The following YTHDC2 variants were observed in gnomAD, a reference collection of about 807,000 sequenced individuals.
The protein encoded by YTHDC2 is 3'-5' RNA helicase YTHDC2.
YTHDC2 carries 45 observed loss-of-function variants against 174.9 expected under a neutral mutation model. That is an observed-to-expected ratio of 0.26 (90% CI 0.20 to 0.33). YTHDC2 has a LOEUF of 0.33. Among genes scored for constraint, YTHDC2 ranks in the 10% least tolerant of loss-of-function variants. The probability of loss-of-function intolerance (pLI) is 1.00; values close to 1 mark genes in which losing one functional copy is unlikely to be tolerated. For missense variants in YTHDC2, 1,650 were observed against 1,723.7 expected (o/e 0.96, Z 0.76); for synonymous variants, 657 against 574.5 (o/e 1.14, Z -2.05).
At chr5:113,551,207 C>T (rs1212078491) in intron 12 of YTHDC2, among the ~76,000 whole-genome samples, 1 of 151,884 alleles carries the variant, frequency 6.6e-6, no homozygotes, top group African/African-American at 2.4e-5. Context: ...TAGTAGCACC[C>T]AGAACTTGCA....
At chr5:113,534,758 G>A (rs992517191) in intron 6 of YTHDC2, among the ~76,000 whole-genome samples, 3 of 152,030 alleles carry the variant, frequency 2.0e-5, no homozygotes, top group Admixed American at 6.6e-5. Context: ...ATACTTGGTT[G>A]TTTGATCCCT....
Position 113,591,191 on chromosome 5 carries a change from G to A in YTHDC2, c.3976G>A (p.Glu1326Lys). 1.2e-6 allele frequency: 2 copies of A among 1,613,942 alleles called. No homozygotes were observed. Reference sequence around the variant, plus strand: ...ACGGAAGCTAAATCGAGCCTTTTGGGAAAGCAGCATAGTTTACTTGGTATT... The same window carrying A: ...ACGGAAGCTAAATCGAGCCTTTTGGAAAAGCAGCATAGTTTACTTGGTATT... ...NERKLNRAFWESSIVYLVFSV... is the reference protein window; with the variant it reads ...NERKLNRAFWKSSIVYLVFSV... Residue 1326 changes from glutamate to lysine, a missense_variant, in exon 27 of 30, where the codon GAA becomes AAA. Coordinates refer to ENST00000161863, the MANE Select transcript of YTHDC2 (RefSeq NM_022828.5).
intron 2 of YTHDC2, among the ~76,000 whole-genome samples, chr5:113,520,163 T>C (rs1773764461): frequency 6.6e-6 from 1 of 152,234 alleles, no homozygotes; most frequent in Non-Finnish European, 1.5e-5. Context: ...TGGTTTTCTG[T>C]TCCTGTGTTA....
intron 17 of YTHDC2, among the ~76,000 whole-genome samples, chr5:113,558,921 CAAAAAA>C (rs60017425): frequency 2.5e-5 from 3 of 121,310 alleles, no homozygotes; most frequent in African/African-American, 8.9e-5. Context: ...GACTCCGTCT[CAAAAAA>C]AAAAAAAAAA....
At chr5:113,566,330 A>T (rs1184216972) in intron 21 of YTHDC2, among the ~76,000 whole-genome samples, 1 of 152,030 alleles carries the variant, frequency 6.6e-6, no homozygotes, top group East Asian at 1.9e-4. Flanking sequence ...ATTTTCTTTT[A>T]TCACCATTAA....
rs1282300606 is a variant in YTHDC2, at chr5:113,593,305, A to T, written c.4215A>T (p.Glu1405Asp). ...KKVQISRDGQ[E>D]LEPLVGEQLL... ...ATTTTGACTTCTGATTTATCTAGGA[A>T]CTAGAACCTCTGGTTGGTGAACAGT... The change falls in exon 29 of 30, where the codon GAA becomes GAT. Residue 1405 changes from glutamate to aspartate, a missense_variant and splice_region_variant. Coordinates refer to ENST00000161863, the MANE Select transcript of YTHDC2 (RefSeq NM_022828.5). 1 of 1,611,848 alleles carries T rather than the reference A, an allele frequency of 6.2e-7. No homozygotes were observed. Among genetic ancestry groups the T allele is most frequent in the Non-Finnish European group, 8.5e-7 (1 of 1,178,628 alleles).
In YTHDC2 at chr5:113,593,947, C is replaced by G. The variant is rs1369416038; in HGVS notation, c.*473C>G. The G allele has an allele frequency of 6.9e-6, 1 of 145,404 alleles. No individual in the cohort carries two copies. Among genetic ancestry groups the G allele is most frequent in the Non-Finnish European group, 1.6e-5 (1 of 64,330 alleles). The allele number at this position is 145,404 out of a possible 1,614,324, so 9.0% of individuals were successfully genotyped here. A position where few individuals can be genotyped will look rare whatever the true frequency, so the allele number is the denominator to read the frequency against. On this transcript the variant is annotated 3_prime_UTR_variant, in exon 30 of 30. Coordinates refer to ENST00000161863, the MANE Select transcript of YTHDC2 (RefSeq NM_022828.5). ...GAAGCGGGGAAAACAACAACAAGGACAACAACAAAAAACCAGTGAAATTCT... is the reference window on the plus strand; with the variant it reads ...GAAGCGGGGAAAACAACAACAAGGAGAACAACAAAAAACCAGTGAAATTCT...
At position 113,563,965 on chromosome 5, in the gene YTHDC2, T is replaced by C. The variant is rs1313232299; in HGVS notation, c.2549T>C (p.Val850Ala). ...GGTAAAATGGTCTTGTGTGCTGTTG[T>C]TTTAAAGTGTCTGGACCCCATCCTT... ...HLGKMVLCAV[V>A]LKCLDPILTI... The change falls in exon 20 of 30, where the codon GTT becomes GCT. Residue 850 changes from valine to alanine, a missense_variant. Around this residue, in one of 5 missense-constraint regions of YTHDC2, gnomAD observed 913 missense variants for 940.4 expected, o/e 0.97. Coordinates refer to ENST00000161863, the MANE Select transcript of YTHDC2 (RefSeq NM_022828.5). 1 of 1,614,176 alleles carries C rather than the reference T, an allele frequency of 6.2e-7. No homozygotes were observed. Among genetic ancestry groups the C allele is most frequent in the Non-Finnish European group, 8.5e-7 (1 of 1,180,028 alleles).
intron 17 of YTHDC2, among the ~76,000 whole-genome samples, chr5:113,558,126 G>A (rs923706320): frequency 6.6e-6 from 1 of 152,206 alleles, no homozygotes. Context: ...GTATAACCAG[G>A]TATACTTATT....
At position 113,593,355 on chromosome 5, in the gene YTHDC2, C is replaced by T. The variant is rs199759334; in HGVS notation, c.4265C>T (p.Pro1422Leu). Residue 1422 changes from proline to leucine, a missense_variant, in exon 29 of 30, where the codon CCC becomes CTC. Coordinates refer to ENST00000161863, the MANE Select transcript of YTHDC2 (RefSeq NM_022828.5). Reference protein sequence around the residue: ...EQLLQLWERLPLGEKNTTD With the variant: ...EQLLQLWERLLLGEKNTTD ...TTGCTCCAGTTATGGGAACGTCTTC[C>T]CTTGGGAGAAAAAAACACAACTGAT... is the stretch of plus-strand genomic sequence containing the variant. 139 of 1,612,472 alleles carry T rather than the reference C, an allele frequency of 8.6e-5. No homozygotes were observed. Among genetic ancestry groups the T allele is most frequent in the Non-Finnish European group, 1.1e-4 (129 of 1,179,008 alleles).
intron 23 of YTHDC2, among the ~76,000 whole-genome samples, chr5:113,577,872 C>G (rs906796704): frequency 1.3e-5 from 2 of 151,928 alleles, no homozygotes; most frequent in African/African-American, 4.8e-5. Context: ...GTGTAATTTT[C>G]TTGCTGAACT....
chr5:113,527,772 T>A (rs1232420534), intron 4 of YTHDC2, among the ~76,000 whole-genome samples: 1 of 152,110 alleles, frequency 6.6e-6, no homozygotes, highest in Non-Finnish European at 1.5e-5. Flanking sequence ...CTATACAAGA[T>A]CTTTCTTTAG....
intron 16 of YTHDC2, among the ~76,000 whole-genome samples, chr5:113,555,215 G>A (rs987658512): frequency 2.0e-5 from 3 of 151,908 alleles, no homozygotes; most frequent in South Asian, 2.1e-4. Context: ...TATTTATTAA[G>A]TAACTGAAAT....
chr5:113,564,179 G>A (rs11241214), intron 20 of YTHDC2, 48 bp downstream of exon 20: 315,412 of 1,485,296 alleles, frequency 0.21, 41,002 homozygotes, highest in African/African-American at 0.59. Context: ...GGGTAAACAC[G>A]TTTCTGGGGC....
intron 16 of YTHDC2, 91 bp from the exon 17 acceptor site, chr5:113,555,961 T>A (rs1448084894): frequency 1.0e-5 from 7 of 689,272 alleles, no homozygotes; most frequent in Non-Finnish European, 2.4e-6. Flanking sequence ...GAATTAAACT[T>A]TTGGCATGTT....
intron 10 of YTHDC2, among the ~76,000 whole-genome samples, chr5:113,547,425 A>G (rs1156709727): frequency 1.3e-5 from 2 of 152,188 alleles, no homozygotes; most frequent in Non-Finnish European, 2.9e-5. Flanking sequence ...ATAAAAATAC[A>G]TGCCATTATA....
At chr5:113,515,204 CTG>C (rs1258245145) in intron 1 of YTHDC2, 66 bp from the exon 2 acceptor site, 15 of 1,102,948 alleles carry the variant, frequency 1.4e-5, no homozygotes, top group Non-Finnish European at 1.6e-5. Flanking sequence ...TATTTTGTAT[CTG>C]TGTGTTTTAC....
intron 16 of YTHDC2, among the ~76,000 whole-genome samples, chr5:113,554,692 A>G (rs1454432780): frequency 6.6e-6 from 1 of 151,990 alleles, no homozygotes; most frequent in Non-Finnish European, 1.5e-5. Context: ...CTCAAAGCCT[A>G]AAATATTTAC....
intron 16 of YTHDC2, 113 bp downstream of exon 16, chr5:113,554,135 G>C: frequency 1.1e-6 from 1 of 933,740 alleles, no homozygotes; most frequent in East Asian, 3.0e-5. Context: ...CTCTACTCAA[G>C]ACAGCTTGGA....
Sources: gnomAD v4.1 joint callset for allele counts (sites outside exome capture counted in the v4.1 genomes callset) on GRCh38, gnomAD v4.1.1 for gene constraint, gnomAD v4.1.1 regional missense constraint, MANE v1.5 for transcripts, NCBI Gene and HGNC (gene_info 2026-07-23, HGNC 2026-07-21) for gene names.